SYNE2: variants seen among roughly 807,000 people sequenced by gnomAD.
SYNE2 encodes nesprin-2.
Under a neutral mutation model 856.3 loss-of-function variants are expected in SYNE2, and 431 were observed. That is an observed-to-expected ratio of 0.50 (90% CI 0.47 to 0.55). SYNE2 has a LOEUF of 0.55. Ranked by LOEUF, SYNE2 falls within the 20% of genes least tolerant of loss-of-function variation. The pLI, the probability that SYNE2 is intolerant of heterozygous loss-of-function variation, is 0.00. For synonymous variants in SYNE2, 2,923 were observed against 2,872.3 expected, an observed-to-expected ratio of 1.02 and a Z score of -0.56; for missense variants, 8,129 against 8,023.2, an observed-to-expected ratio of 1.01 and a Z score of -0.50.
intron 51 of SYNE2, among the ~76,000 whole-genome samples, chr14:64,068,861 CAAAAAAAAAAA>C (rs10546690): frequency 0.024 from 1,834 of 76,660 alleles, 61 homozygotes; most frequent in African/African-American, 0.075. Context: ...GACTCCGTCT[CAAAAAAAAAAA>C]AAAAAAAAAA....
At chr14:64,143,675 G>T (rs998217072) in intron 82 of SYNE2, 97 bp from the exon 83 acceptor site, 45 of 1,313,266 alleles carry the variant, frequency 3.4e-5, no homozygotes, top group Non-Finnish European at 1.5e-5. Flanking sequence ...TTGATTAATG[G>T]ACGGGAGCTT....
chr14:63,854,300 T>C (rs986650933), intron 1 of SYNE2, among the ~76,000 whole-genome samples: 3 of 152,140 alleles, frequency 2.0e-5, no homozygotes, highest in African/African-American at 7.2e-5. Context: ...GGAATACAAT[T>C]AAACCATGCC....
chr14:64,076,211 T>C, intron 54 of SYNE2, 111 bp downstream of exon 54: 1 of 1,223,352 alleles, frequency 8.2e-7, no homozygotes, highest in Non-Finnish European at 1.2e-6. Flanking sequence ...CTATAACTTC[T>C]TTTAAGAGTT....
At position 64,128,559 on chromosome 14, in the gene SYNE2, C is replaced by T. The variant is rs775636144; in HGVS notation, c.14019+6C>T. ...GTGTTGCTGAACAGCTTCAGGTAAT[C>T]AAGTCAAAATAATTCAGACTGACTT... On this transcript the variant is annotated splice_donor_region_variant and intron_variant, in intron 74 of 115. Transcript: ENST00000555002. 1.9e-6 allele frequency: 3 copies of T among 1,566,404 alleles called. No homozygotes were observed. The South Asian group carries it at 3.3e-5, about 17-fold the overall frequency.
intron 7 of SYNE2, 72 bp downstream of exon 7, chr14:63,950,078 A>G (rs1473231319): frequency 6.8e-7 from 1 of 1,474,630 alleles, no homozygotes; most frequent in East Asian, 2.3e-5. Context: ...CACCACCCAA[A>G]CACCTCCCTC....
At chr14:64,086,535 G>T (rs1164331635) in intron 57 of SYNE2, among the ~76,000 whole-genome samples, 3 of 152,010 alleles carry the variant, frequency 2.0e-5, no homozygotes, top group African/African-American at 4.8e-5. Flanking sequence ...CTAAATAAAG[G>T]TCTGTGGGAA....
Position 64,167,335 on chromosome 14 carries a change from A to G in SYNE2, c.16708A>G (p.Asn5570Asp). 6.2e-7 allele frequency: 1 copy of G among 1,614,242 alleles called. No homozygotes were observed. The highest frequency in any genetic ancestry group is 8.5e-7 in the Non-Finnish European group (1 of 1,180,038). Residue 5570 changes from asparagine (N) to aspartate (D), a missense_variant, in exon 91 of 116, where the codon AAT (asparagine) becomes GAT (aspartate). Around this residue, in one of 3 missense-constraint regions of SYNE2, gnomAD observed 5,410 missense variants for 5,284.8 expected, o/e 1.02. Transcript: ENST00000555002. ...LSDVAVKTLQ[N>D]MNRQWIRATA... ...TGACGTAGCTGTGAAGACGTTACAA[A>G]ATATGAACCGGCAATGGATTCGGGC...
At chr14:64,077,272 T>C (rs2153607688) in intron 54 of SYNE2, among the ~76,000 whole-genome samples, 1 of 152,304 alleles carries the variant, frequency 6.6e-6, no homozygotes, top group Middle Eastern at 3.4e-3. Context: ...CTAATGTATC[T>C]CAATGGTATA....
intron 1 of SYNE2, among the ~76,000 whole-genome samples, chr14:63,846,480 TC>T (rs1382912930): frequency 5.9e-5 from 9 of 152,236 alleles, no homozygotes; most frequent in Non-Finnish European, 2.9e-5. Flanking sequence ...TGTATTGTTT[TC>T]ATTATTATTT....
intron 2 of SYNE2, among the ~76,000 whole-genome samples, chr14:63,929,487 G>C (rs1173918479): frequency 6.6e-6 from 1 of 152,140 alleles, no homozygotes; most frequent in Non-Finnish European, 1.5e-5. Context: ...AATTTTCTCT[G>C]AGGCCAGCCG....
At chr14:64,158,523 C>A in intron 85 of SYNE2, 102 bp from the exon 86 acceptor site, 1 of 1,275,496 alleles carries the variant, frequency 7.8e-7, no homozygotes, top group Non-Finnish European at 1.1e-6. Flanking sequence ...TCCTTCAATA[C>A]TCTCAAATTG....
chr14:63,916,722 ACT>A (rs1189726454), intron 2 of SYNE2, among the ~76,000 whole-genome samples: 2 of 151,804 alleles, frequency 1.3e-5, no homozygotes, highest in African/African-American at 4.8e-5. Context: ...ATGAGAGAAG[ACT>A]CTGTTCTACC....
In SYNE2 at chr14:64,139,944, T is replaced by C. The variant is rs779131429; in HGVS notation, c.14847T>C (p.Tyr4949=). Residue 4949 remains tyrosine, a synonymous_variant, in exon 80 of 116, where the codon TAT becomes TAC. Transcript: ENST00000555002. ...TCTCTCACTTTGCTCCTGTTAGTTA[T>C]AACAGAGATTCGGATCAGTTAACCA... ...LQALLKHLLS[Y]NRDSDQLTKW... 7 of 1,614,098 alleles carry C rather than the reference T, an allele frequency of 4.3e-6. No individual in the cohort carries two copies. Among genetic ancestry groups the C allele is most frequent in the Non-Finnish European group, 2.5e-6 (3 of 1,179,990 alleles).
intron 1 of SYNE2, among the ~76,000 whole-genome samples, chr14:63,858,417 C>T (rs980964587): frequency 2.0e-4 from 30 of 149,748 alleles, no homozygotes; most frequent in African/African-American, 7.2e-4. Flanking sequence ...CCACTGCACC[C>T]AGCCTATTTT....
rs985943671 is a variant in SYNE2 at position 63,869,492 on chromosome 14, G to A, written c.-52+16349G>A. 4.0e-5 allele frequency among the ~76,000 whole-genome samples: 6 copies of A among 151,744 alleles called. No homozygotes were observed. The East Asian group carries it at 1.2e-3, about 29-fold the overall frequency. On this transcript the variant is annotated intron_variant, in intron 1 of 115. Transcript: ENST00000555002. ...CAAAAATTAGCCGGGCGTGGTGGCG[G>A]GCACCTGTAATCCCAGCTACTCGGG...
intron 2 of SYNE2, among the ~76,000 whole-genome samples, chr14:63,935,926 G>A (rs895739120): frequency 6.6e-6 from 1 of 152,184 alleles, no homozygotes; most frequent in Non-Finnish European, 1.5e-5. Context: ...CCGGGCTGGA[G>A]TGCAGTGGCA....
At chr14:63,872,781 AGAT>A (rs1029890280) in intron 1 of SYNE2, among the ~76,000 whole-genome samples, 9 of 150,856 alleles carry the variant, frequency 6.0e-5, no homozygotes, top group African/African-American at 1.9e-4. Context: ...AAAAAAAAAA[AGAT>A]GATATGTAAT....
chr14:63,978,689 T>C (rs569833265), intron 13 of SYNE2, among the ~76,000 whole-genome samples, 163 bp from the exon 14 acceptor site: 9 of 152,216 alleles, frequency 5.9e-5, no homozygotes, highest in Non-Finnish European at 1.3e-4. Context: ...AGTCACAGTA[T>C]TCGTTTTACA....
chr14:63,993,573 G>T (rs1290823871), intron 21 of SYNE2, among the ~76,000 whole-genome samples: 3 of 152,098 alleles, frequency 2.0e-5, no homozygotes, highest in Admixed American at 1.3e-4. Flanking sequence ...TATCATAAAG[G>T]TATCTTAATC....
Sources: allele counts gnomAD v4.1 joint callset (sites outside exome capture counted in the v4.1 genomes callset), GRCh38; gene constraint gnomAD v4.1.1; regional missense constraint gnomAD v4.1.1; transcripts MANE v1.5; gene names NCBI Gene and HGNC (gene_info 2026-07-23, HGNC 2026-07-21).